PAFAH1B1: variants seen among roughly 807,000 people sequenced by gnomAD.
PAFAH1B1 encodes platelet activating factor acetylhydrolase 1b regulatory subunit 1.
Under a neutral mutation model 57.5 loss-of-function variants are expected in PAFAH1B1, and 2 were observed. That is an observed-to-expected ratio of 0.03 (90% CI 0.01 to 0.11). The LOEUF (loss-of-function observed/expected upper bound fraction) is 0.11, where lower values mean the gene tolerates loss of function less well. PAFAH1B1 is among the 10% of genes least tolerant of loss of function. The pLI, the probability that PAFAH1B1 is intolerant of heterozygous loss-of-function variation, is 1.00. For synonymous variants in PAFAH1B1, 152 were observed against 169.6 expected (o/e 0.90, Z 0.81); for missense variants, 257 against 512.0 (o/e 0.50, Z 4.81).
chr17:2,675,080 C>T, intron 8 of PAFAH1B1, among the ~76,000 whole-genome samples: 1 of 152,098 alleles, frequency 6.6e-6, no homozygotes, highest in East Asian at 1.9e-4. Flanking sequence ...CGGCTCACTG[C>T]AACCTCCGCC....
At chr17:2,599,609 T>C (rs1200261004) in intron 1 of PAFAH1B1, among the ~76,000 whole-genome samples, 1 of 152,214 alleles carries the variant, frequency 6.6e-6, no homozygotes, top group Non-Finnish European at 1.5e-5. Flanking sequence ...AAGATCTTTG[T>C]AATAGTTGAC....
chr17:2,619,170 G>A (rs1458724066), intron 1 of PAFAH1B1, among the ~76,000 whole-genome samples: 2 of 151,766 alleles, frequency 1.3e-5, no homozygotes, highest in African/African-American at 2.4e-5. Flanking sequence ...TTATTTTTGA[G>A]ACAGGGTCTC....
At chr17:2,649,031 AG>A (rs1180814511) in intron 2 of PAFAH1B1, among the ~76,000 whole-genome samples, 1 of 151,960 alleles carries the variant, frequency 6.6e-6, no homozygotes, top group Admixed American at 6.6e-5. Context: ...AGCCAACCTA[AG>A]GGAATCAACA....
At chr17:2,665,019 A>C (rs1434976797) in intron 2 of PAFAH1B1, among the ~76,000 whole-genome samples, 1 of 152,170 alleles carries the variant, frequency 6.6e-6, no homozygotes, top group Non-Finnish European at 1.5e-5. Flanking sequence ...TGTAAATGTT[A>C]GCAAAATTGA....
At chr17:2,630,527 T>G (rs1225857063) in intron 1 of PAFAH1B1, among the ~76,000 whole-genome samples, 1 of 152,232 alleles carries the variant, frequency 6.6e-6, no homozygotes, top group African/African-American at 2.4e-5. Context: ...TGCTTCTGTC[T>G]CACAGCTCTT....
intron 1 of PAFAH1B1, chr17:2,613,639 C>T (rs556833202): frequency 9.1e-5 from 27 of 295,720 alleles, no homozygotes; most frequent in African/African-American, 5.3e-4. Context: ...CCCTGAAGAC[C>T]TGAGTATACT....
chr17:2,638,365 G>A (rs1567540577), intron 2 of PAFAH1B1, 45 bp downstream of exon 2: 10 of 1,508,862 alleles, frequency 6.6e-6, no homozygotes, highest in Non-Finnish European at 9.2e-6. Context: ...TCCCTCATGA[G>A]AGAGAAAGTA....
At chr17:2,618,311 C>G (rs2068374285) in intron 1 of PAFAH1B1, among the ~76,000 whole-genome samples, 1 of 152,178 alleles carries the variant, frequency 6.6e-6, no homozygotes, top group African/African-American at 2.4e-5. Context: ...TAAATTCTCT[C>G]ATATCTTCAG....
intron 2 of PAFAH1B1, among the ~76,000 whole-genome samples, chr17:2,650,510 T>TAA (rs11385415): frequency 9.7e-4 from 125 of 128,356 alleles, no homozygotes; most frequent in Middle Eastern, 3.9e-3. Flanking sequence ...AGACTCCATC[T>TAA]AAAAAAAAAA....
chr17:2,665,247 A>T (rs949041677), intron 2 of PAFAH1B1, 125 bp from the exon 3 acceptor site: 4 of 679,164 alleles, frequency 5.9e-6, no homozygotes, highest in Non-Finnish European at 1.0e-5. Flanking sequence ...AAATACTTGT[A>T]TGATTTGAAA....
Position 2,675,074 on chromosome 17 carries a change from T to C in PAFAH1B1, c.900+786T>C, listed in dbSNP as rs543490738. 4.6e-5 allele frequency among the ~76,000 whole-genome samples: 7 copies of C among 152,330 alleles called. No homozygotes were observed. In the South Asian group the frequency reaches 1.4e-3, roughly 32 times the overall value. On this transcript the variant is annotated intron_variant, in intron 8 of 10. Transcript: ENST00000397195. ...TGGAGTACAGTAGCGTGATCTCGGC[T>C]CACTGCAACCTCCGCCTCCCAGGTT... is the stretch of plus-strand genomic sequence containing the variant.
At chr17:2,672,951 C>G (rs1365087517) in intron 7 of PAFAH1B1, among the ~76,000 whole-genome samples, 194 bp downstream of exon 7, 1 of 152,040 alleles carries the variant, frequency 6.6e-6, no homozygotes, top group Non-Finnish European at 1.5e-5. Flanking sequence ...ACCTGTATTC[C>G]CAGCTACTTG....
chr17:2,601,211 T>G (rs186142352), intron 1 of PAFAH1B1, among the ~76,000 whole-genome samples: 2 of 152,286 alleles, frequency 1.3e-5, no homozygotes, highest in African/African-American at 4.8e-5. Context: ...CTTGGCTCAC[T>G]GCAGCCTCCG....
chr17:2,624,293 A>G (rs2068461090), intron 1 of PAFAH1B1, among the ~76,000 whole-genome samples: 1 of 152,134 alleles, frequency 6.6e-6, no homozygotes, highest in African/African-American at 2.4e-5. Flanking sequence ...AAACTGTTCC[A>G]AACTCTGCCT....
chr17:2,623,180 G>A (rs1392898499), intron 1 of PAFAH1B1, among the ~76,000 whole-genome samples: 1 of 152,110 alleles, frequency 6.6e-6, no homozygotes, highest in Non-Finnish European at 1.5e-5. Context: ...TAGTCTTGGG[G>A]ATTAACATTA....
chr17:2,617,537 G>A (rs1453210884), intron 1 of PAFAH1B1, among the ~76,000 whole-genome samples: 1 of 151,800 alleles, frequency 6.6e-6, no homozygotes, highest in Non-Finnish European at 1.5e-5. Flanking sequence ...CTCTTTTTTT[G>A]TTTTTATTAC....
chr17:2,629,473 C>T (rs149980935), intron 1 of PAFAH1B1, among the ~76,000 whole-genome samples: 1 of 152,096 alleles, frequency 6.6e-6, no homozygotes, highest in South Asian at 2.1e-4. Context: ...GATATAATTT[C>T]AATTTTCTTA....
rs1245492877 is a variant in PAFAH1B1, at chr17:2,684,454, CTCAA to C, written c.*2657_*2660del. 3 of 152,634 alleles carry C rather than the reference CTCAA, an allele frequency of 2.0e-5. No homozygotes were observed. The highest frequency in any genetic ancestry group is 3.8e-4 in the East Asian group (2 of 5,200). The allele number at this position is 152,634 out of a possible 1,614,324, so 9.5% of individuals were successfully genotyped here. A position where few individuals can be genotyped will look rare whatever the true frequency, so the allele number is the denominator to read the frequency against. On this transcript the variant is annotated 3_prime_UTR_variant, in exon 11 of 11. Transcript: ENST00000397195. ...AGGTTCACTGCTGCTTTGTCACTTT[CTCAA>C]TCAAATTGGCCACTTAAGAAATAAA...
intron 1 of PAFAH1B1, among the ~76,000 whole-genome samples, chr17:2,615,839 T>C (rs1190520254): frequency 6.6e-6 from 1 of 152,116 alleles, no homozygotes; most frequent in African/African-American, 2.4e-5. Context: ...ACATGTTTGA[T>C]CAGTCTGGTG....
Sources: allele counts gnomAD v4.1 joint callset (sites outside exome capture counted in the v4.1 genomes callset), GRCh38; gene constraint gnomAD v4.1.1; transcripts MANE v1.5; gene names NCBI Gene and HGNC (gene_info 2026-07-23, HGNC 2026-07-21).